DENND1A: variants seen among roughly 807,000 people sequenced by gnomAD.
DENND1A encodes DENN domain containing 1A.
DENND1A carries 51 observed loss-of-function variants against 113.7 expected under a neutral mutation model. The observed-to-expected ratio is 0.45, with a 90% CI of 0.36 to 0.57. The LOEUF (loss-of-function observed/expected upper bound fraction) is 0.57, where lower values mean the gene tolerates loss of function less well. DENND1A is among the 20% of genes least tolerant of loss of function. The probability of loss-of-function intolerance (pLI) is 0.00; values close to 1 mark genes in which losing one functional copy is unlikely to be tolerated. For missense variants in DENND1A, 1,258 were observed against 1,395.9 expected (o/e 0.90, Z 1.57); for synonymous variants, 565 against 570.8 (o/e 0.99, Z 0.14).
At chr9:123,733,666 G>C (rs975554484) in intron 5 of DENND1A, among the ~76,000 whole-genome samples, 1 of 142,038 alleles carries the variant, frequency 7.0e-6, no homozygotes, top group African/African-American at 2.8e-5. Context: ...TATTCTTGTT[G>C]GTTATTTTTT....
intron 13 of DENND1A, among the ~76,000 whole-genome samples, chr9:123,506,187 C>T (rs149482345): frequency 6.6e-6 from 1 of 152,188 alleles, no homozygotes; most frequent in African/African-American, 2.4e-5. Flanking sequence ...TTCATCTGCA[C>T]AACAGAAAAA....
intron 2 of DENND1A, among the ~76,000 whole-genome samples, chr9:123,835,126 A>C (rs952414602): frequency 6.6e-6 from 1 of 152,062 alleles, no homozygotes; most frequent in Non-Finnish European, 1.5e-5. Context: ...AAAAAAAAAA[A>C]AGCAAATGTC....
At chr9:123,425,700 T>C (rs553039794) in intron 19 of DENND1A, among the ~76,000 whole-genome samples, 1 of 152,384 alleles carries the variant, frequency 6.6e-6, no homozygotes, top group African/African-American at 2.4e-5. Flanking sequence ...TGTCCTTTTC[T>C]GTGGGACAGG....
chr9:123,662,436 A>C (rs1589567230), intron 8 of DENND1A, among the ~76,000 whole-genome samples: 1 of 152,110 alleles, frequency 6.6e-6, no homozygotes, highest in Non-Finnish European at 1.5e-5. Context: ...GGTGGTGTGT[A>C]CCTGTAGCCA....
intron 1 of DENND1A, among the ~76,000 whole-genome samples, chr9:123,929,567 C>T (rs940426811): frequency 6.6e-6 from 1 of 152,128 alleles, no homozygotes; most frequent in Non-Finnish European, 1.5e-5. Context: ...GGCTTTCCCA[C>T]TCCCCTTCCC....
At chr9:123,728,506 A>AAAAACACAAAAAAAC (rs2067913385) in intron 5 of DENND1A, among the ~76,000 whole-genome samples, 7 of 145,814 alleles carry the variant, frequency 4.8e-5, no homozygotes, top group Admixed American at 2.0e-4. Flanking sequence ...AAAAAAAAAA[A>AAAAACACAAAAAAAC]AAAACAGGCA....
chr9:123,888,540 C>A (rs932959305), intron 1 of DENND1A, among the ~76,000 whole-genome samples: 1 of 152,136 alleles, frequency 6.6e-6, no homozygotes, highest in Non-Finnish European at 1.5e-5. Flanking sequence ...ACTGCTGGAC[C>A]GCAAAGAGCA....
At chr9:123,503,143 C>T (rs535944873) in intron 13 of DENND1A, among the ~76,000 whole-genome samples, 2 of 152,256 alleles carry the variant, frequency 1.3e-5, no homozygotes, top group Non-Finnish European at 2.9e-5. Context: ...AGGTTATCTA[C>T]GGCATGCTAT....
intron 8 of DENND1A, among the ~76,000 whole-genome samples, chr9:123,655,663 G>A (rs1471629286): frequency 6.6e-6 from 1 of 152,182 alleles, no homozygotes; most frequent in Admixed American, 6.5e-5. Flanking sequence ...AGAAGCATGT[G>A]TTCATTTCAC....
At chr9:123,675,013 AT>A (rs2063985493) in intron 6 of DENND1A, among the ~76,000 whole-genome samples, 1 of 152,316 alleles carries the variant, frequency 6.6e-6, no homozygotes, top group South Asian at 2.1e-4. Context: ...TCAGAAATAG[AT>A]GAACAGACCC....
intron 16 of DENND1A, among the ~76,000 whole-genome samples, chr9:123,453,315 C>G (rs1254545265): frequency 6.6e-6 from 1 of 152,158 alleles, no homozygotes; most frequent in Non-Finnish European, 1.5e-5. Context: ...GGATGAAACA[C>G]TGGACCTGGT....
chr9:123,883,422 C>A (rs144290033), intron 1 of DENND1A, among the ~76,000 whole-genome samples: 11 of 152,154 alleles, frequency 7.2e-5, no homozygotes, highest in African/African-American at 2.7e-4. Context: ...TCCAGTTCCA[C>A]GATTCTCAAA....
intron 2 of DENND1A, among the ~76,000 whole-genome samples, chr9:123,854,360 A>T (rs987131207): frequency 2.0e-5 from 3 of 152,190 alleles, no homozygotes; most frequent in Non-Finnish European, 2.9e-5. Flanking sequence ...CAGATTTAAA[A>T]ATAAAATTCA....
chr9:123,920,899 T>C (rs1457255519), intron 1 of DENND1A, among the ~76,000 whole-genome samples: 1 of 152,138 alleles, frequency 6.6e-6, no homozygotes, highest in Non-Finnish European at 1.5e-5. Context: ...TTAAATGTTA[T>C]AATTCTAATT....
chr9:123,753,472 A>G (rs1417049121), intron 5 of DENND1A, among the ~76,000 whole-genome samples: 2 of 152,236 alleles, frequency 1.3e-5, no homozygotes, highest in African/African-American at 2.4e-5. Flanking sequence ...TTGAACCTCC[A>G]TTGTGAGATT....
Position 123,810,759 on chromosome 9 carries a change from T to C in DENND1A, c.89-18129A>G, listed in dbSNP as rs889522246. On this transcript the variant is annotated intron_variant, in intron 2 of 23. Coordinates refer to ENST00000394215, the MANE Select transcript of DENND1A (RefSeq NM_001352964.2). ...ACATTTCAATTTGAACTTAAATCCC[T>C]TTTTTTTTTTTTTTTTGAGATGAAG... Among the ~76,000 whole-genome samples the C allele has an allele frequency of 5.7e-4, 32 of 55,772 alleles. 1 individual carries two copies. In the African/African-American group the frequency reaches 7.2e-3, roughly 13 times the overall value. The allele number at this position is 55,772 out of a possible 152,430, so 36.6% of individuals were successfully genotyped here. A position where few individuals can be genotyped will look rare whatever the true frequency, so the allele number is the denominator to read the frequency against.
At chr9:123,413,990 C>T (rs2044517192) in intron 19 of DENND1A, 1 of 989,134 alleles carries the variant, frequency 1.0e-6, no homozygotes, top group Admixed American at 5.8e-5. Context: ...GGCCTTTCTA[C>T]TTCGGGGGAA....
intron 19 of DENND1A, chr9:123,414,031 C>T: frequency 1.0e-6 from 1 of 991,438 alleles, no homozygotes; most frequent in Non-Finnish European, 1.2e-6. Context: ...GTCTTCACTG[C>T]TTGTCACCTC....
At chr9:123,798,840 A>C (rs941402158) in intron 2 of DENND1A, among the ~76,000 whole-genome samples, 1 of 151,992 alleles carries the variant, frequency 6.6e-6, no homozygotes, top group Non-Finnish European at 1.5e-5. Flanking sequence ...AAATATTTGG[A>C]ATTTTTTAAA....
Sources: gnomAD v4.1 joint callset for allele counts (sites outside exome capture counted in the v4.1 genomes callset) on GRCh38, gnomAD v4.1.1 for gene constraint, MANE v1.5 for transcripts, NCBI Gene and HGNC (gene_info 2026-07-23, HGNC 2026-07-21) for gene names.